AGO1: variants seen among roughly 807,000 people sequenced by gnomAD.
AGO1 encodes argonaute RISC component 1, also known as protein argonaute-1.
In AGO1, 11 loss-of-function variants were observed where a neutral mutation model predicts 109.2. The ratio of observed to expected loss-of-function variants is 0.10; its 90% CI spans 0.06 to 0.17. AGO1 has a LOEUF of 0.17. Ranked by LOEUF, AGO1 falls within the 10% of genes least tolerant of loss-of-function variation. The pLI is 1.00. For missense variants in AGO1, 574 were observed against 1,140.3 expected (o/e 0.50, Z 7.15); for synonymous variants, 422 against 418.6 (o/e 1.01, Z -0.10).
At chr1:35,878,033 T>A (rs991965950) in intron 1 of AGO1, among the ~76,000 whole-genome samples, 1 of 151,902 alleles carries the variant, frequency 6.6e-6, no homozygotes. Context: ...TTTGGGGGGT[T>A]AAATATATTA....
At chr1:35,912,229 G>A (rs1645646616) in intron 12 of AGO1, among the ~76,000 whole-genome samples, 1 of 151,892 alleles carries the variant, frequency 6.6e-6, no homozygotes, top group African/African-American at 2.4e-5. Flanking sequence ...CATGGTGGCG[G>A]GCACCTGTAG....
chr1:35,929,010 TC>T lies in AGO1; in HGVS notation c.*9405del, dbSNP rs2148731957. ...GCTCATTTATTTATTCACCTATCTGTCCATCAATCCAACAAATATACTGAAT... is the reference window on the plus strand; with the variant it reads ...GCTCATTTATTTATTCACCTATCTGTCATCAATCCAACAAATATACTGAAT... On this transcript the variant is annotated 3_prime_UTR_variant, in exon 19 of 19. Transcript: ENST00000373204. 1 of 152,376 alleles carries T rather than the reference TC, an allele frequency of 6.6e-6. No homozygotes were observed. Among genetic ancestry groups the T allele is most frequent in the African/African-American group, 2.4e-5 (1 of 41,590 alleles). 9.4% of individuals were successfully genotyped at this position (152,376 alleles called of 1,614,324 possible).
At chr1:35,908,333 T>C (rs1645563691) in intron 12 of AGO1, among the ~76,000 whole-genome samples, 1 of 152,246 alleles carries the variant, frequency 6.6e-6, no homozygotes, top group South Asian at 2.1e-4. Context: ...CTTGGTATTC[T>C]ACAGGTTCCT....
chr1:35,914,234 A>C lies in AGO1; in HGVS notation c.1793A>C (p.His598Pro). The change falls in exon 14 of 19, where the codon CAC (histidine) becomes CCC (proline). Residue 598 changes from histidine to proline, a missense_variant. His to Pro is a moderately conservative substitution (Grantham distance 77). Around this residue, in one of 8 missense-constraint regions of AGO1, gnomAD observed 68 missense variants for 200.2 expected, o/e 0.34. Transcript: ENST00000373204. ...PVIFLGADVT[H>P]PPAGDGKKPS... The stretch of plus-strand genomic sequence containing the variant: ...ATATTCCTGGGAGCAGATGTTACAC[A>C]CCCCCCAGCAGGGGATGGGAAAAAA... 1 of 1,613,726 alleles carries C rather than the reference A, an allele frequency of 6.2e-7. No individual in the cohort carries two copies. Among genetic ancestry groups the C allele is most frequent in the Non-Finnish European group, 8.5e-7 (1 of 1,179,914 alleles).
At chr1:35,908,961 G>A (rs1557617177) in intron 12 of AGO1, among the ~76,000 whole-genome samples, 2 of 151,954 alleles carry the variant, frequency 1.3e-5, no homozygotes, top group South Asian at 2.1e-4. Context: ...TGGGATTACG[G>A]TGCGCACTAC....
rs1645059013 is a variant in AGO1, at chr1:35,883,279, GGGGCGGCGGCGCGAGCGGCC to G, written c.-138_-119del. The G allele has an allele frequency of 7.1e-7, 1 of 1,406,514 alleles. No individual in the cohort carries two copies. Among genetic ancestry groups the G allele is most frequent in the Non-Finnish European group, 9.3e-7 (1 of 1,080,610 alleles). 87.1% of individuals were successfully genotyped at this position (1,406,514 alleles called of 1,614,324 possible). On this transcript the variant is annotated 5_prime_UTR_variant, in exon 1 of 19. Transcript: ENST00000373204. The surrounding 1 kb of genome is among the most constrained non-coding windows in gnomAD (Gnocchi z 5.4). ...CGCGGCGGCGGCAACGGAGGCTGCGGGGGCGGCGGCGCGAGCGGCCGGGCTTGGTAGGGGAGCCGAGCCCG... is the reference window on the plus strand; with the variant it reads ...CGCGGCGGCGGCAACGGAGGCTGCGGGGGCTTGGTAGGGGAGCCGAGCCCG...
At chr1:35,913,381 A>ATTCT (rs1273137185) in intron 12 of AGO1, among the ~76,000 whole-genome samples, 3 of 152,164 alleles carry the variant, frequency 2.0e-5, no homozygotes, top group African/African-American at 7.2e-5. Flanking sequence ...TAATGACCAC[A>ATTCT]TTCTTTCCTT....
intron 12 of AGO1, among the ~76,000 whole-genome samples, chr1:35,911,509 CCT>C (rs1430261865): frequency 6.6e-6 from 1 of 151,706 alleles, no homozygotes; most frequent in East Asian, 1.9e-4. Flanking sequence ...TTTTTTTCTC[CCT>C]CTCTGGAATT....
Position 35,901,425 on chromosome 1 carries a change from G to A in AGO1, c.1021-49G>A. On this transcript the variant is annotated intron_variant, in intron 8 of 18. Coordinates refer to ENST00000373204, the MANE Select transcript of AGO1 (RefSeq NM_012199.5). This position sits in a 1 kb window ranked among gnomAD's most constrained non-coding sequence, Gnocchi z 4.8. ...TCCTTATTGTGGGGCTCTGGGTACA[G>A]GGTGGACTGTACTCAAGCCAGAGCT... is the stretch of plus-strand genomic sequence containing the variant. 2 of 1,612,486 alleles carry A rather than the reference G, an allele frequency of 1.2e-6. No individual in the cohort carries two copies. Among genetic ancestry groups the A allele is most frequent in the East Asian group, 2.2e-5 (1 of 44,860 alleles).
rs1645978639 is a variant in AGO1 at position 35,928,731 on chromosome 1, G to A, written c.*9124G>A. ...TGCCTTTTCATTTTGAAGAGCAAAA[G>A]TTTAAAATTTTGTGAATTTATTAAA... is the stretch of plus-strand genomic sequence containing the variant. On this transcript the variant is annotated 3_prime_UTR_variant, in exon 19 of 19. Transcript: ENST00000373204. 6.6e-6 allele frequency: 1 copy of A among 152,148 alleles called. No individual in the cohort carries two copies. The highest frequency in any genetic ancestry group is 6.5e-5 in the Admixed American group (1 of 15,278). 9.4% of individuals were successfully genotyped at this position (152,148 alleles called of 1,614,324 possible). A position where few individuals can be genotyped will look rare whatever the true frequency, so the allele number is the denominator to read the frequency against.
chr1:35,889,332 G>A (rs889483146), intron 2 of AGO1, among the ~76,000 whole-genome samples: 7 of 151,690 alleles, frequency 4.6e-5, no homozygotes, highest in Non-Finnish European at 7.4e-5. Flanking sequence ...TCCTGGCTCA[G>A]CCTCCTAACT....
At chr1:35,876,420 C>G (rs940528480) in intron 1 of AGO1, among the ~76,000 whole-genome samples, 1 of 152,024 alleles carries the variant, frequency 6.6e-6, no homozygotes, top group African/African-American at 2.4e-5. Flanking sequence ...GCGCCTGCCA[C>G]CATGCCCAGC....
intron 1 of AGO1, among the ~76,000 whole-genome samples, chr1:35,884,880 C>T (rs1645094047): frequency 6.6e-6 from 1 of 152,128 alleles, no homozygotes; most frequent in Admixed American, 6.6e-5. Flanking sequence ...TTCAGGTCAT[C>T]TCTCACCACT....
At chr1:35,896,289 G>A (rs534526293) in intron 8 of AGO1, among the ~76,000 whole-genome samples, 12 of 152,074 alleles carry the variant, frequency 7.9e-5, no homozygotes, top group Admixed American at 6.5e-4. Flanking sequence ...GTGAGCCACC[G>A]TGCCCAGCCA....
chr1:35,876,620 T>G (rs1396321423), intron 1 of AGO1, among the ~76,000 whole-genome samples: 1 of 152,170 alleles, frequency 6.6e-6, no homozygotes, highest in African/African-American at 2.4e-5. Context: ...TGAAATTGAC[T>G]CTGGTGAAAG....
rs149670265 is a variant in AGO1, at chr1:35,903,735, C to T, written c.1397+1398C>T. ...AACCCAGCACTTTGGGAGGCTGAGG[C>T]GGGCGGATCACAAGGTCAGTAGTTT... is the stretch of plus-strand genomic sequence containing the variant. On this transcript the variant is annotated intron_variant, in intron 11 of 18. Transcript: ENST00000373204. Among the ~76,000 whole-genome samples the T allele has an allele frequency of 2.7e-3, 409 of 151,868 alleles. 2 individuals carry two copies. Among genetic ancestry groups the T allele is most frequent in the Middle Eastern group, 0.01 (3 of 294 alleles).
At chr1:35,905,659 C>T (rs368288774) in intron 11 of AGO1, among the ~76,000 whole-genome samples, 1 of 152,008 alleles carries the variant, frequency 6.6e-6, no homozygotes, top group African/African-American at 2.4e-5. Flanking sequence ...TTAGTAGAGA[C>T]AGGGTTTCAT....
At chr1:35,878,638 G>A (rs138026185), upstream of AGO1, among the ~76,000 whole-genome samples, 87 of 152,170 alleles carry the variant, frequency 5.7e-4, 1 homozygote, top group East Asian at 0.015. Context: ...ATTATTTTCC[G>A]TCCAGGAACT....
At chr1:35,870,895 A>G (rs1457125826) in intron 1 of AGO1, among the ~76,000 whole-genome samples, 1 of 152,236 alleles carries the variant, frequency 6.6e-6, no homozygotes, top group African/African-American at 2.4e-5. Context: ...GTCATACCAT[A>G]AGCATTCTTC....
Sources: gnomAD v4.1 joint callset for allele counts (sites outside exome capture counted in the v4.1 genomes callset) on GRCh38, gnomAD v4.1.1 for gene constraint, gnomAD v4.1.1 regional missense constraint, Gnocchi (gnomAD v3.1) non-coding constraint, MANE v1.5 for transcripts, NCBI Gene and HGNC (gene_info 2026-07-23, HGNC 2026-07-21) for gene names.